Variants in ZNF804A observed in about 807,000 individuals in gnomAD.
ZNF804A encodes the protein zinc finger protein 804A.
A neutral mutation model predicts 16.5 loss-of-function variants in ZNF804A; 2 were observed. The observed-to-expected ratio is 0.12, with a 90% CI of 0.05 to 0.38. ZNF804A has a LOEUF of 0.38. Ranked by LOEUF, ZNF804A falls within the 10% of genes least tolerant of loss-of-function variation. ZNF804A has a pLI of 0.99. For synonymous variants in ZNF804A, 534 were observed against 489.6 expected, an observed-to-expected ratio of 1.09 and a Z score of -1.20; for missense variants, 1,473 against 1,390.7, an observed-to-expected ratio of 1.06 and a Z score of -0.94.
chr2:184,828,423 G>T (rs1695206365), intron 1 of ZNF804A, among the ~76,000 whole-genome samples: 1 of 151,458 alleles, frequency 6.6e-6, no homozygotes, highest in Non-Finnish European at 1.5e-5. Context: ...TTTCCAAAAG[G>T]AATAATGCTT....
intron 2 of ZNF804A, among the ~76,000 whole-genome samples, chr2:184,898,981 T>G (rs1244377465): frequency 3.3e-5 from 5 of 152,104 alleles, no homozygotes; most frequent in African/African-American, 1.2e-4. Context: ...TGTTTGTAAG[T>G]GTGGTTAAAC....
At chr2:184,851,736 A>G (rs1004387572) in intron 1 of ZNF804A, among the ~76,000 whole-genome samples, 2 of 151,772 alleles carry the variant, frequency 1.3e-5, no homozygotes, top group Non-Finnish European at 2.9e-5. Flanking sequence ...TGGTAGTTCT[A>G]TTTTTTAATG....
chr2:184,829,684 G>T (rs1370154724), intron 1 of ZNF804A, among the ~76,000 whole-genome samples: 1 of 151,500 alleles, frequency 6.6e-6, no homozygotes, highest in East Asian at 1.9e-4. Context: ...GTGAACCATA[G>T]ATTATTCTCT....
At chr2:184,612,453 G>C (rs191554906) in intron 1 of ZNF804A, among the ~76,000 whole-genome samples, 41 of 150,220 alleles carry the variant, frequency 2.7e-4, no homozygotes, top group South Asian at 2.7e-3. Flanking sequence ...TTTTTTTGGG[G>C]GGGGGACGGA....
At chr2:184,875,628 A>G (rs527750287) in intron 2 of ZNF804A, among the ~76,000 whole-genome samples, 1 of 152,254 alleles carries the variant, frequency 6.6e-6, no homozygotes, top group African/African-American at 2.4e-5. Context: ...ACAAATGTAC[A>G]GAGACGGTGT....
chr2:184,749,463 T>C (rs1228032601), intron 1 of ZNF804A, among the ~76,000 whole-genome samples: 2 of 151,260 alleles, frequency 1.3e-5, no homozygotes, highest in African/African-American at 4.8e-5. Context: ...TCATCAGTTC[T>C]AGTAGCCTTT....
At chr2:184,907,172 G>C (rs965187239) in intron 2 of ZNF804A, among the ~76,000 whole-genome samples, 7 of 152,162 alleles carry the variant, frequency 4.6e-5, no homozygotes, top group African/African-American at 1.7e-4. Context: ...CTATGAAACT[G>C]TGACAATCTA....
At chr2:184,782,725 G>T in intron 1 of ZNF804A, among the ~76,000 whole-genome samples, 1 of 144,188 alleles carries the variant, frequency 6.9e-6, no homozygotes, top group African/African-American at 2.6e-5. Context: ...TCTTAGTTTT[G>T]TCCTTCTAGA....
At chr2:184,681,095 C>T (rs1268704777) in intron 1 of ZNF804A, among the ~76,000 whole-genome samples, 1 of 152,196 alleles carries the variant, frequency 6.6e-6, no homozygotes, top group African/African-American at 2.4e-5. Context: ...CTGGCTTGCC[C>T]TTGGAAGGTG....
At chr2:184,884,061 T>C (rs895032449) in intron 2 of ZNF804A, among the ~76,000 whole-genome samples, 4 of 152,098 alleles carry the variant, frequency 2.6e-5, no homozygotes, top group South Asian at 2.1e-4. Flanking sequence ...GAAAACTCCA[T>C]AGTCTCTGCC....
intron 1 of ZNF804A, among the ~76,000 whole-genome samples, chr2:184,676,614 C>T (rs1692440206): frequency 6.6e-6 from 1 of 151,490 alleles, no homozygotes; most frequent in Non-Finnish European, 1.5e-5. Context: ...TTGTGAGATC[C>T]CATAGGCAAC....
rs3992047 is a variant in ZNF804A at position 184,855,601 on chromosome 2, CATATAT to C, written c.112-10758_112-10753del. Among the ~76,000 whole-genome samples, 18 of 147,350 alleles carry C rather than the reference CATATAT, an allele frequency of 1.2e-4. No homozygotes were observed. The South Asian group carries it at 1.7e-3, about 14-fold the overall frequency. ...ATATATACTGTAATGTACACATACA[CATATAT>C]ATATATATACACACACACACACACA... On this transcript the variant is annotated intron_variant, in intron 1 of 3. Transcript: ENST00000302277.
At chr2:184,761,257 AT>A (rs757427866) in intron 1 of ZNF804A, among the ~76,000 whole-genome samples, 3 of 152,156 alleles carry the variant, frequency 2.0e-5, no homozygotes, top group Non-Finnish European at 4.4e-5. Context: ...CAGTTGGGAT[AT>A]TTTCAGTCTG....
intron 1 of ZNF804A, among the ~76,000 whole-genome samples, chr2:184,759,239 C>G (rs1011361324): frequency 6.6e-6 from 1 of 151,266 alleles, no homozygotes; most frequent in Non-Finnish European, 1.5e-5. Flanking sequence ...GGACACCTAT[C>G]TTGTAAAAGA....
chr2:184,642,470 A>G (rs1275451880), intron 1 of ZNF804A, among the ~76,000 whole-genome samples: 2 of 152,202 alleles, frequency 1.3e-5, no homozygotes, highest in Admixed American at 6.5e-5. Flanking sequence ...TTCAGAGTTT[A>G]CTTGGCTCTT....
At chr2:184,923,485 T>A in intron 2 of ZNF804A, among the ~76,000 whole-genome samples, 1 of 151,770 alleles carries the variant, frequency 6.6e-6, no homozygotes, top group South Asian at 2.1e-4. Flanking sequence ...GATTATATCA[T>A]CTGGAACAAA....
intron 1 of ZNF804A, among the ~76,000 whole-genome samples, chr2:184,860,210 G>A (rs988127598): frequency 6.6e-6 from 1 of 152,164 alleles, no homozygotes; most frequent in African/African-American, 2.4e-5. Context: ...GCTGATGCTG[G>A]CCTAGAGGCT....
At chr2:184,857,224 C>G (rs1695702929) in intron 1 of ZNF804A, among the ~76,000 whole-genome samples, 1 of 151,782 alleles carries the variant, frequency 6.6e-6, no homozygotes, top group African/African-American at 2.4e-5. Context: ...CTTTTAATTT[C>G]TTCAGTGACT....
intron 2 of ZNF804A, 67 bp downstream of exon 2, chr2:184,866,579 T>A: frequency 7.6e-7 from 1 of 1,310,566 alleles, no homozygotes. Flanking sequence ...TTGTGTAGAC[T>A]CTATGAATAT....
Sources: allele counts gnomAD v4.1 joint callset (sites outside exome capture counted in the v4.1 genomes callset), GRCh38; gene constraint gnomAD v4.1.1; transcripts MANE v1.5; gene names NCBI Gene and HGNC (gene_info 2026-07-23, HGNC 2026-07-21).